Variants in ZNF814 observed in about 807,000 individuals in gnomAD.
The protein encoded by ZNF814 is zinc finger protein 814.
ZNF814 carries 5 observed loss-of-function variants against 7.5 expected under a neutral mutation model. The ratio of observed to expected loss-of-function variants is 0.67; its 90% CI spans 0.35 to 1.40. ZNF814 has a LOEUF of 1.40. Ranked by LOEUF, ZNF814 falls within the 40% of genes most tolerant of loss-of-function variation. ZNF814 has a pLI of 0.04. For synonymous variants in ZNF814, 315 were observed against 340.7 expected (o/e 0.92, Z 0.83); for missense variants, 962 against 1,018.0 (o/e 0.94, Z 0.75).
upstream of ZNF814, among the ~76,000 whole-genome samples, chr19:57,893,541 C>A (rs1336783253): frequency 6.6e-6 from 1 of 151,590 alleles, no homozygotes; most frequent in African/African-American, 2.4e-5. Context: ...CTTTGGGAGG[C>A]AGAGGCAGGT....
At chr19:57,884,148 C>T (rs970572238) in intron 1 of ZNF814, among the ~76,000 whole-genome samples, 1 of 152,096 alleles carries the variant, frequency 6.6e-6, no homozygotes, top group Non-Finnish European at 1.5e-5. Flanking sequence ...AGCTTCTGTA[C>T]AGCAAAGAAA....
At chr19:57,894,793 C>G in the ZNF814 span, among the ~76,000 whole-genome samples, 2 of 151,298 alleles carry the variant, frequency 1.3e-5, no homozygotes, top group Middle Eastern at 3.4e-3. Flanking sequence ...GAGATTGCAC[C>G]ACTGCACTCT....
In ZNF814 at chr19:57,873,304, A is replaced by G. The variant is rs2071572969; in HGVS notation, c.2086T>C (p.Leu696=). 1 of 1,588,626 alleles carries G rather than the reference A, an allele frequency of 6.3e-7. No individual in the cohort carries two copies. The highest frequency in any genetic ancestry group is 8.6e-7 in the Non-Finnish European group (1 of 1,166,886). The change falls in exon 3 of 3, where the codon TTA becomes CTA. Residue 696 remains leucine (L), a synonymous_variant. Transcript: ENST00000435989. ...AGGAGGTGAGACTTCTTCTTAAATA[A>G]TTTTCCACATTCCCTACATACATAA... ...RPYVCRECGK[L]FKKKSHLLVH...
At chr19:57,883,405 G>A (rs1600139376) in intron 1 of ZNF814, among the ~76,000 whole-genome samples, 1 of 151,000 alleles carries the variant, frequency 6.6e-6, no homozygotes, top group African/African-American at 2.4e-5. Context: ...GCTCATGCCT[G>A]TAATCCCAGC....
the ZNF814 span, among the ~76,000 whole-genome samples, chr19:57,902,515 C>T: frequency 6.6e-6 from 1 of 152,074 alleles, no homozygotes; most frequent in Non-Finnish European, 1.5e-5. Context: ...GCTCAAAGTT[C>T]AATCACAATT....
At chr19:57,893,170 ATTTTTTT>A (rs760411389), upstream of ZNF814, among the ~76,000 whole-genome samples, 1 of 125,248 alleles carries the variant, frequency 8.0e-6, no homozygotes, top group South Asian at 2.6e-4. Flanking sequence ...TTTGTTATTG[ATTTTTTT>A]TTTTTTTTTT....
chr19:57,873,536 G>A lies in ZNF814; in HGVS notation c.1854C>T (p.Ser618=). 1 of 1,614,020 alleles carries A rather than the reference G, an allele frequency of 6.2e-7. No individual in the cohort carries two copies. The highest frequency in any genetic ancestry group is 8.5e-7 in the Non-Finnish European group (1 of 1,179,988). ...ECGKSFSHKR[S]LVHHQRMHTG... ...TGTGCATGCGCTGATGGTGAACAAG[G>A]CTGCGCTTATGACTAAAAGATTTCC... Residue 618 remains serine (S), a synonymous_variant, in exon 3 of 3, where the codon AGC becomes AGT. Coordinates refer to ENST00000435989, the MANE Select transcript of ZNF814 (RefSeq NM_001144989.2).
the ZNF814 span, among the ~76,000 whole-genome samples, chr19:57,905,094 G>T: frequency 1.4e-5 from 2 of 143,020 alleles, no homozygotes; most frequent in African/African-American, 2.6e-5. Context: ...AAGAATCCTC[G>T]AATGTTCTCT....
intron 1 of ZNF814, among the ~76,000 whole-genome samples, 193 bp from the exon 2 acceptor site, chr19:57,877,235 C>T (rs928926137): frequency 3.3e-5 from 5 of 152,052 alleles, no homozygotes; most frequent in Non-Finnish European, 4.4e-5. Flanking sequence ...GTGGTTGTGA[C>T]GTAAGAGTCC....
At chr19:57,880,224 C>G (rs2071641025) in intron 1 of ZNF814, among the ~76,000 whole-genome samples, 1 of 134,158 alleles carries the variant, frequency 7.5e-6, no homozygotes, top group African/African-American at 3.0e-5. Flanking sequence ...CTAGCGACAT[C>G]TCCTTGGCCA....
chr19:57,882,862 C>G (rs80217820), intron 1 of ZNF814, among the ~76,000 whole-genome samples: 17,064 of 151,954 alleles, frequency 0.11, 1,359 homozygotes, highest in African/African-American at 0.22. Context: ...TGATGAACAT[C>G]TACAAGCATC....
rs1408928757 is a variant in ZNF814, at chr19:57,871,894, G to C, written c.*928C>G. Among the ~76,000 whole-genome samples, 4 of 151,094 alleles carry C rather than the reference G, an allele frequency of 2.6e-5. No individual in the cohort carries two copies. Among genetic ancestry groups the C allele is most frequent in the Non-Finnish European group, 5.9e-5 (4 of 67,888 alleles). ...GGAGGCCAAGGTGGAAGGATCGCTT[G>C]AGCCAGGAGTTTAAGACCAGCCTGG... On this transcript the variant is annotated 3_prime_UTR_variant, in exon 3 of 3. Coordinates refer to ENST00000435989, the MANE Select transcript of ZNF814 (RefSeq NM_001144989.2).
rs1260859679 is a variant in ZNF814 at position 57,876,991 on chromosome 19, T to C, written c.88A>G (p.Asn30Asp). 1.2e-6 allele frequency: 2 copies of C among 1,614,104 alleles called. No individual in the cohort carries two copies. Among genetic ancestry groups the C allele is most frequent in the East Asian group, 4.5e-5 (2 of 44,882 alleles). ...VAVNFTWEEW[N>D]LLSEAQRCLY... ...CATCTCTGAGCCTCACTAAGGAGAT[T>C]CCATTCCTCCCAGGTAAAGTTCACA... Residue 30 changes from asparagine to aspartate, a missense_variant, in exon 2 of 3, where the codon AAT becomes GAT. Asn to Asp is a conservative substitution (Grantham distance 23, BLOSUM62 1). Coordinates refer to ENST00000435989, the MANE Select transcript of ZNF814 (RefSeq NM_001144989.2).
upstream of ZNF814, among the ~76,000 whole-genome samples, chr19:57,891,168 G>A (rs1473641039): frequency 2.6e-5 from 4 of 152,108 alleles, no homozygotes; most frequent in East Asian, 1.9e-4. Context: ...GCAACATCAG[G>A]AAGTTATCCT....
chr19:57,872,736 A>G lies in ZNF814; in HGVS notation c.*86T>C, dbSNP rs752922935. 1.2e-6 allele frequency: 2 copies of G among 1,607,260 alleles called. No individual in the cohort carries two copies. Among genetic ancestry groups the G allele is most frequent in the African/African-American group, 2.7e-5 (2 of 74,698 alleles). The stretch of plus-strand genomic sequence containing the variant: ...GTAGATGACTTCCCACAATCACTGC[A>G]TTCATATGGCCTTTCTCCAGTGTGA... On this transcript the variant is annotated 3_prime_UTR_variant, in exon 3 of 3. Coordinates refer to ENST00000435989, the MANE Select transcript of ZNF814 (RefSeq NM_001144989.2).
chr19:57,903,341 A>C, the ZNF814 span, among the ~76,000 whole-genome samples: 2 of 152,208 alleles, frequency 1.3e-5, no homozygotes, highest in Non-Finnish European at 2.9e-5. Context: ...GAAATTATGG[A>C]GCTCTCAGGC....
In ZNF814 at chr19:57,869,881, G is replaced by A. The variant is rs1193678456; in HGVS notation, c.*2941C>T. ...AATTGCTTGAACCTAGGAGGTAGAG[G>A]TTGCAATGAGCCAAGGTCATGCCAC... On this transcript the variant is annotated 3_prime_UTR_variant, in exon 3 of 3. Coordinates refer to ENST00000435989, the MANE Select transcript of ZNF814 (RefSeq NM_001144989.2). 1 of 149,274 alleles carries A rather than the reference G, an allele frequency of 6.7e-6. No individual in the cohort carries two copies. Among genetic ancestry groups the A allele is most frequent in the Non-Finnish European group, 1.5e-5 (1 of 67,808 alleles). The allele number at this position is 149,274 out of a possible 1,614,324, so 9.2% of individuals were successfully genotyped here. A position where few individuals can be genotyped will look rare whatever the true frequency, so the allele number is the denominator to read the frequency against.
upstream of ZNF814, among the ~76,000 whole-genome samples, chr19:57,891,594 G>A (rs1450763869): frequency 6.6e-6 from 1 of 151,764 alleles, no homozygotes; most frequent in Non-Finnish European, 1.5e-5. Context: ...GCTCACCCCT[G>A]GAATCCCAGC....
At chr19:57,900,835 C>T in the ZNF814 span, among the ~76,000 whole-genome samples, 1 of 75,310 alleles carries the variant, frequency 1.3e-5, no homozygotes, top group Non-Finnish European at 3.0e-5. Context: ...AAAGCCATGG[C>T]TGCATTTTTT....
Sources: allele counts gnomAD v4.1 joint callset (sites outside exome capture counted in the v4.1 genomes callset), GRCh38; gene constraint gnomAD v4.1.1; transcripts MANE v1.5; gene names NCBI Gene and HGNC (gene_info 2026-07-23, HGNC 2026-07-21).